The following DNAH6 variants were observed in gnomAD, a reference collection of about 807,000 sequenced individuals.
DNAH6 encodes the protein axonemal beta dynein heavy chain 6.
A neutral mutation model predicts 491.4 loss-of-function variants in DNAH6; 340 were observed. The observed-to-expected ratio is 0.69, with a 90% CI of 0.63 to 0.76. The LOEUF (loss-of-function observed/expected upper bound fraction) is 0.76. DNAH6 is among the 30% of genes least tolerant of loss of function. DNAH6 has a pLI of 0.00. For missense variants in DNAH6, 4,443 were observed against 4,972.2 expected (o/e 0.89, Z 3.20); for synonymous variants, 1,603 against 1,686.1 (o/e 0.95, Z 1.21).
At chr2:84,745,670 A>AC (rs1467558384) in intron 63 of DNAH6, among the ~76,000 whole-genome samples, 1 of 149,466 alleles carries the variant, frequency 6.7e-6, no homozygotes, top group Non-Finnish European at 1.5e-5. Context: ...TGTCTCAAAA[A>AC]AAAAAAAAAA....
At chr2:84,613,311 A>G (rs1686515450) in intron 22 of DNAH6, among the ~76,000 whole-genome samples, 1 of 152,136 alleles carries the variant, frequency 6.6e-6, no homozygotes, top group African/African-American at 2.4e-5. Flanking sequence ...TGCATGCTTC[A>G]CATGCCCAAT....
intron 69 of DNAH6, among the ~76,000 whole-genome samples, chr2:84,797,228 C>T (rs1678441051): frequency 6.6e-6 from 1 of 152,190 alleles, no homozygotes; most frequent in African/African-American, 2.4e-5. Flanking sequence ...TTACACCTTT[C>T]AACATAAATT....
chr2:84,583,928 C>A, intron 14 of DNAH6, 71 bp from the exon 15 acceptor site: 1 of 1,505,636 alleles, frequency 6.6e-7, no homozygotes, highest in Non-Finnish European at 9.1e-7. Flanking sequence ...TGTCTGTCTC[C>A]TGTTAGAACA....
chr2:84,702,845 CTT>C (rs1696059500), intron 49 of DNAH6, among the ~76,000 whole-genome samples: 2 of 152,136 alleles, frequency 1.3e-5, no homozygotes, highest in South Asian at 2.1e-4. Flanking sequence ...ATGAGCCAAG[CTT>C]TCTGACTCAC....
At chr2:84,640,651 A>G in intron 32 of DNAH6, 73 bp downstream of exon 32, 1 of 1,418,008 alleles carries the variant, frequency 7.1e-7, no homozygotes, top group South Asian at 1.4e-5. Context: ...TAACTCAGGA[A>G]AGGCTCTCAG....
chr2:84,475,166 G>T, the DNAH6 span, among the ~76,000 whole-genome samples: 40 of 152,274 alleles, frequency 2.6e-4, no homozygotes, highest in African/African-American at 8.7e-4. Flanking sequence ...TGTTCCTGAG[G>T]GTAAGGGTCC....
chr2:84,589,449 TGC>T (rs1683880643), intron 16 of DNAH6, among the ~76,000 whole-genome samples: 1 of 152,172 alleles, frequency 6.6e-6, no homozygotes, highest in Non-Finnish European at 1.5e-5. Flanking sequence ...CAGTGGCTTA[TGC>T]CTGTAATCCC....
rs1279114568 is a variant in DNAH6, at chr2:84,653,693, C to G, written c.5453C>G (p.Ala1818Gly). ...LTLEWKDGLM[A>G]LSVRAAVNDT... ...TTGGAATGGAAAGATGGTTTGATGG[C>G]ACTAAGTGTCCGAGCAGCTGTGAAT... The change falls in exon 34 of 77, where the codon GCA becomes GGA. Residue 1818 changes from alanine to glycine, a missense_variant. Ala to Gly is a moderately conservative substitution (Grantham distance 60). Transcript: ENST00000389394. 1 of 1,551,242 alleles carries G rather than the reference C, an allele frequency of 6.4e-7. No homozygotes were observed. Among genetic ancestry groups the G allele is most frequent in the Non-Finnish European group, 8.7e-7 (1 of 1,146,714 alleles).
intron 62 of DNAH6, among the ~76,000 whole-genome samples, chr2:84,742,350 G>A (rs1672605590): frequency 6.6e-6 from 1 of 152,122 alleles, no homozygotes; most frequent in Non-Finnish European, 1.5e-5. Context: ...TCTTTTAACA[G>A]ACAAATTTTA....
intron 11 of DNAH6, among the ~76,000 whole-genome samples, chr2:84,562,846 G>T (rs995328531): frequency 2.6e-5 from 4 of 152,102 alleles, no homozygotes; most frequent in African/African-American, 9.7e-5. Flanking sequence ...CTTCTTTTTG[G>T]CAGAATGATG....
the DNAH6 span, among the ~76,000 whole-genome samples, chr2:84,499,033 T>TTTATCCTTTAAG: frequency 0.96 from 146,408 of 152,180 alleles, 70,456 homozygotes; most frequent in East Asian, 1. Flanking sequence ...CCCTCAAGCA[T>TTTATCCTTTAAG]TTGCAAACAA....
intron 39 of DNAH6, among the ~76,000 whole-genome samples, chr2:84,671,684 G>A (rs759218944): frequency 2.6e-5 from 4 of 152,172 alleles, no homozygotes; most frequent in African/African-American, 7.2e-5. Context: ...GGGGCCACAG[G>A]ATGGAGTGGA....
intron 61 of DNAH6, among the ~76,000 whole-genome samples, 167 bp from the exon 62 acceptor site, chr2:84,733,277 A>G (rs779374993): frequency 7.9e-5 from 12 of 152,204 alleles, no homozygotes; most frequent in Non-Finnish European, 1.2e-4. Flanking sequence ...AAGGTCCACA[A>G]TTAGAATTGA....
intron 4 of DNAH6, among the ~76,000 whole-genome samples, chr2:84,542,189 C>T (rs1004101337): frequency 2.0e-5 from 3 of 152,164 alleles, no homozygotes; most frequent in Non-Finnish European, 4.4e-5. Context: ...AGCAAGTTTT[C>T]CAGACATGCA....
chr2:84,595,543 T>C (rs1264167379), intron 17 of DNAH6, 103 bp from the exon 18 acceptor site: 3 of 1,004,030 alleles, frequency 3.0e-6, no homozygotes, highest in Non-Finnish European at 2.8e-6. Context: ...TCCAAAAGCA[T>C]AGTGTAGATT....
At position 84,688,477 on chromosome 2, in the gene DNAH6, G is replaced by C; in HGVS notation, c.7176G>C (p.Met2392Ile). ...ADKADRIYDD[M>I]PDIEKTANVL... The stretch of plus-strand genomic sequence containing the variant: ...AAGCTGATCGGATTTATGATGACAT[G>C]CCTGATATAGAGAAAACTGCAAATG... Residue 2392 changes from methionine to isoleucine, a missense_variant, in exon 45 of 77, where the codon ATG (methionine) becomes ATC (isoleucine). Coordinates refer to ENST00000389394, the MANE Select transcript of DNAH6 (RefSeq NM_001370.2). 6.5e-7 allele frequency: 1 copy of C among 1,537,764 alleles called. No individual in the cohort carries two copies.
At chr2:84,467,494 G>C in the DNAH6 span, among the ~76,000 whole-genome samples, 1 of 152,224 alleles carries the variant, frequency 6.6e-6, no homozygotes, top group African/African-American at 2.4e-5. Flanking sequence ...GCTGACTCCA[G>C]CATAGCTAGG....
At chr2:84,788,015 G>A (rs58831575) in intron 68 of DNAH6, among the ~76,000 whole-genome samples, 1,752 of 152,256 alleles carry the variant, frequency 0.012, 35 homozygotes, top group African/African-American at 0.041. Context: ...ATGGAGAACA[G>A]CAGAAGGGTA....
intron 27 of DNAH6, 33 bp from the exon 28 acceptor site, chr2:84,624,432 A>G: frequency 2.6e-6 from 4 of 1,549,114 alleles, no homozygotes; most frequent in Non-Finnish European, 3.5e-6. Context: ...TTCTTTCTGA[A>G]ATTAGTGTAT....
Sources: allele counts gnomAD v4.1 joint callset (sites outside exome capture counted in the v4.1 genomes callset), GRCh38; gene constraint gnomAD v4.1.1; transcripts MANE v1.5; gene names NCBI Gene and HGNC (gene_info 2026-07-23, HGNC 2026-07-21).